TASP1: variants seen among roughly 807,000 people sequenced by gnomAD.
The protein encoded by TASP1 is threonine aspartase 1.
In TASP1, 16 loss-of-function variants were observed where a neutral mutation model predicts 56.6. The ratio of observed to expected loss-of-function variants is 0.28; its 90% CI spans 0.19 to 0.43. The LOEUF (loss-of-function observed/expected upper bound fraction) is 0.43, where lower values mean the gene tolerates loss of function less well. Ranked by LOEUF, TASP1 falls within the 20% of genes least tolerant of loss-of-function variation. TASP1 has a pLI of 1.00. For missense variants in TASP1, 393 were observed against 511.6 expected, an observed-to-expected ratio of 0.77 and a Z score of 2.24; for synonymous variants, 179 against 184.2, an observed-to-expected ratio of 0.97 and a Z score of 0.23.
chr20:13,572,822 C>T (rs1253694381), intron 6 of TASP1, among the ~76,000 whole-genome samples: 3 of 152,030 alleles, frequency 2.0e-5, no homozygotes, highest in East Asian at 1.9e-4. Flanking sequence ...ATTACAATCT[C>T]GTGGATGTTC....
At chr20:13,258,387 C>T in the TASP1 span, among the ~76,000 whole-genome samples, 1 of 152,120 alleles carries the variant, frequency 6.6e-6, no homozygotes, top group Non-Finnish European at 1.5e-5. Flanking sequence ...CCTGGCTTTA[C>T]TGGCCCTGGA....
At chr20:13,608,264 A>C (rs1215519181) in intron 4 of TASP1, among the ~76,000 whole-genome samples, 1 of 152,256 alleles carries the variant, frequency 6.6e-6, no homozygotes, top group Non-Finnish European at 1.5e-5. Flanking sequence ...AAGCCAATGA[A>C]ACTGTATTAC....
At chr20:13,456,407 A>T (rs2043837759) in intron 11 of TASP1, among the ~76,000 whole-genome samples, 1 of 152,110 alleles carries the variant, frequency 6.6e-6, no homozygotes, top group Admixed American at 6.6e-5. Context: ...ATGGAAAATC[A>T]TTAGCCCTCC....
the TASP1 span, among the ~76,000 whole-genome samples, chr20:13,346,082 T>G: frequency 2.6e-5 from 4 of 152,132 alleles, no homozygotes; most frequent in Non-Finnish European, 5.9e-5. Flanking sequence ...TTCTGCTTCA[T>G]GACTTACACA....
chr20:13,607,201 T>C (rs2048190228), intron 4 of TASP1, among the ~76,000 whole-genome samples: 1 of 152,212 alleles, frequency 6.6e-6, no homozygotes, highest in Admixed American at 6.5e-5. Flanking sequence ...AGAAGTGAGA[T>C]GCCCTTTGAC....
chr20:13,495,362 AG>A (rs1329691465), intron 10 of TASP1, among the ~76,000 whole-genome samples: 3 of 152,224 alleles, frequency 2.0e-5, no homozygotes, highest in African/African-American at 7.2e-5. Flanking sequence ...AAAGTACCAT[AG>A]AAAAAAGTCT....
chr20:13,557,292 G>A (rs1175966610), intron 8 of TASP1, among the ~76,000 whole-genome samples: 1 of 152,096 alleles, frequency 6.6e-6, no homozygotes, highest in Non-Finnish European at 1.5e-5. Flanking sequence ...GAATAAATCG[G>A]TGATACAATG....
At chr20:13,118,449 G>GTAAAA in the TASP1 span, among the ~76,000 whole-genome samples, 2 of 128,158 alleles carry the variant, frequency 1.6e-5, no homozygotes, top group African/African-American at 3.1e-5. Flanking sequence ...GAGGTTTGTG[G>GTAAAA]AAAAAAAAAA....
the TASP1 span, among the ~76,000 whole-genome samples, chr20:13,361,668 T>C: frequency 1.3e-5 from 2 of 152,110 alleles, no homozygotes; most frequent in East Asian, 1.9e-4. Context: ...CCAAAAAAAC[T>C]TGTCATCCCT....
chr20:13,535,344 G>C (rs1356479776), intron 8 of TASP1, among the ~76,000 whole-genome samples: 1 of 152,190 alleles, frequency 6.6e-6, no homozygotes, highest in East Asian at 1.9e-4. Flanking sequence ...CTCAGAAGTA[G>C]AGTGTGCCAC....
chr20:13,556,495 GAATAAAATTCAAGAATAAAATA>G (rs2046161836), intron 8 of TASP1, among the ~76,000 whole-genome samples: 1 of 152,014 alleles, frequency 6.6e-6, no homozygotes, highest in Non-Finnish European at 1.5e-5. Context: ...CATTATTCTT[GAATAAAATTCAAGAATAAAATA>G]AATAAAATTC....
the TASP1 span, among the ~76,000 whole-genome samples, chr20:13,311,258 T>TGATAGAA: frequency 8.4e-6 from 1 of 118,632 alleles, no homozygotes; most frequent in African/African-American, 3.1e-5. Context: ...GATAGATAGA[T>TGATAGAA]AGATAGATAG....
chr20:13,511,964 C>T (rs1268344426), intron 10 of TASP1, among the ~76,000 whole-genome samples: 2 of 152,174 alleles, frequency 1.3e-5, no homozygotes, highest in East Asian at 3.9e-4. Context: ...TATACTATTC[C>T]ATGGTGTATA....
At chr20:13,438,041 C>T (rs1053172261) in intron 11 of TASP1, among the ~76,000 whole-genome samples, 5 of 151,490 alleles carry the variant, frequency 3.3e-5, no homozygotes, top group Admixed American at 6.6e-5. Flanking sequence ...AAAAGGAGCC[C>T]GCATTGCCAA....
chr20:13,552,664 G>GA (rs2046019087), intron 8 of TASP1, among the ~76,000 whole-genome samples: 2 of 152,118 alleles, frequency 1.3e-5, no homozygotes, highest in African/African-American at 4.8e-5. Flanking sequence ...GCAAAAGGTA[G>GA]AATGTTGAAA....
chr20:13,173,749 G>A, the TASP1 span, among the ~76,000 whole-genome samples: 1 of 152,168 alleles, frequency 6.6e-6, no homozygotes, highest in Admixed American at 6.6e-5. Flanking sequence ...GGTTTCATTA[G>A]TGATGGTGAA....
At chr20:13,492,566 C>G (rs1006068187) in intron 10 of TASP1, among the ~76,000 whole-genome samples, 5 of 152,040 alleles carry the variant, frequency 3.3e-5, no homozygotes, top group Non-Finnish European at 5.9e-5. Context: ...AACCTGGAAC[C>G]TATTATATAC....
At chr20:13,526,775 C>A (rs2044996788) in intron 10 of TASP1, among the ~76,000 whole-genome samples, 1 of 151,976 alleles carries the variant, frequency 6.6e-6, no homozygotes, top group South Asian at 2.1e-4. Context: ...AAAGAAACCA[C>A]AAATATGAGA....
the TASP1 span, among the ~76,000 whole-genome samples, chr20:13,317,738 T>G: frequency 6.6e-6 from 1 of 152,102 alleles, no homozygotes. Flanking sequence ...AGCATTCACA[T>G]GCAAAACAAA....
Sources: allele counts gnomAD v4.1 joint callset (sites outside exome capture counted in the v4.1 genomes callset), GRCh38; gene constraint gnomAD v4.1.1; transcripts MANE v1.5; gene names NCBI Gene and HGNC (gene_info 2026-07-23, HGNC 2026-07-21).